The following SASH1 variants were observed in gnomAD, a reference collection of about 807,000 sequenced individuals.
The protein encoded by SASH1 is SAM and SH3 domain-containing protein 1.
A neutral mutation model predicts 125.2 loss-of-function variants in SASH1; 44 were observed. That is an observed-to-expected ratio of 0.35 (90% CI 0.28 to 0.45). The LOEUF (loss-of-function observed/expected upper bound fraction) is 0.45. SASH1 is among the 20% of genes least tolerant of loss of function. The pLI is 1.00. For synonymous variants in SASH1, 639 were observed against 649.1 expected (o/e 0.98, Z 0.24); for missense variants, 1,426 against 1,614.5 (o/e 0.88, Z 2.00).
Position 148,519,909 on chromosome 6 carries a change from G to T in SASH1, c.1209+16G>T. ...AAGCCACGGGGTAAGTACGGATGGT[G>T]TTTGCTTCTATGACAACCACCGTCG... On this transcript the variant is annotated intron_variant, in intron 10 of 19. Transcript: ENST00000367467. This position sits in a 1 kb window ranked among gnomAD's most constrained non-coding sequence, Gnocchi z 4.8. 1 of 1,521,274 alleles carries T rather than the reference G, an allele frequency of 6.6e-7. No individual in the cohort carries two copies. Among genetic ancestry groups the T allele is most frequent in the Non-Finnish European group, 8.8e-7 (1 of 1,133,004 alleles). The allele number at this position is 1,521,274 out of a possible 1,614,324, so 94.2% of individuals were successfully genotyped here.
the SASH1 span, among the ~76,000 whole-genome samples, chr6:148,251,644 A>G: frequency 6.6e-6 from 1 of 152,140 alleles, no homozygotes; most frequent in Admixed American, 6.5e-5. Flanking sequence ...AATCATTACA[A>G]TGAGATGAGG....
At chr6:148,320,257 G>A (rs537453748) in intron 1 of SASH1, among the ~76,000 whole-genome samples, 1 of 152,310 alleles carries the variant, frequency 6.6e-6, no homozygotes, top group South Asian at 2.1e-4. Flanking sequence ...TCAGATCGCA[G>A]AGCCTGTGGA....
chr6:148,519,401 T>C lies in SASH1; in HGVS notation c.863-146T>C. 4 of 622,102 alleles carry C rather than the reference T, an allele frequency of 6.4e-6. No individual in the cohort carries two copies. In the South Asian group the frequency reaches 8.3e-5, roughly 13 times the overall value. The allele number at this position is 622,102 out of a possible 1,614,324, so 38.5% of individuals were successfully genotyped here. On this transcript the variant is annotated intron_variant, in intron 9 of 19. Coordinates refer to ENST00000367467, the MANE Select transcript of SASH1 (RefSeq NM_015278.5). The surrounding 1 kb of genome is among the most constrained non-coding windows in gnomAD (Gnocchi z 4.8). ...CATGTGAAACCATGTATTTGCACAG[T>C]GTATTTTCATTTTTCTGTACATATG...
intron 4 of SASH1, among the ~76,000 whole-genome samples, chr6:148,466,463 G>A (rs112578098): frequency 6.6e-6 from 1 of 152,128 alleles, no homozygotes; most frequent in African/African-American, 2.4e-5. Context: ...TGCTCTGCGT[G>A]AAAAAGCCTC....
chr6:148,319,602 C>T (rs915175211), intron 1 of SASH1, among the ~76,000 whole-genome samples: 1 of 151,906 alleles, frequency 6.6e-6, no homozygotes, highest in Non-Finnish European at 1.5e-5. Flanking sequence ...CCACAACCTC[C>T]CCTCCCGGGT....
intron 7 of SASH1, among the ~76,000 whole-genome samples, chr6:148,484,388 T>C (rs1475372964): frequency 6.6e-6 from 1 of 152,186 alleles, no homozygotes; most frequent in Non-Finnish European, 1.5e-5. Flanking sequence ...CTGGAATTAA[T>C]GTAAAACACT....
chr6:148,315,553 T>G (rs1780459339), intron 1 of SASH1, among the ~76,000 whole-genome samples: 1 of 152,186 alleles, frequency 6.6e-6, no homozygotes. Flanking sequence ...ATTCAAACTT[T>G]CTTAAATTTA....
intron 2 of SASH1, among the ~76,000 whole-genome samples, chr6:148,429,370 C>G (rs1330831625): frequency 9.4e-6 from 1 of 106,580 alleles, no homozygotes; most frequent in African/African-American, 3.9e-5. Context: ...GGTGACAGAG[C>G]AAGACCCTGT....
chr6:148,298,770 A>AGAAAGAG (rs1562312325), intron 1 of SASH1, among the ~76,000 whole-genome samples: 2 of 93,152 alleles, frequency 2.1e-5, no homozygotes, highest in African/African-American at 4.7e-5. Flanking sequence ...GAGAGAAAGA[A>AGAAAGAG]AAAAGAAAGA....
intron 2 of SASH1, among the ~76,000 whole-genome samples, chr6:148,433,711 GTAGCTTTT>G (rs1245538833): frequency 6.6e-6 from 1 of 151,894 alleles, no homozygotes; most frequent in African/African-American, 2.4e-5. Context: ...CATTTCTTAG[GTAGCTTTT>G]TAGCTTAATT....
intron 16 of SASH1, among the ~76,000 whole-genome samples, chr6:148,538,144 G>C (rs1023223542): frequency 2.0e-5 from 3 of 152,108 alleles, no homozygotes; most frequent in Non-Finnish European, 2.9e-5. Context: ...TGGTTTTCAG[G>C]TGACACAATG....
the SASH1 span, among the ~76,000 whole-genome samples, chr6:148,224,603 C>T: frequency 3.6e-4 from 55 of 152,162 alleles, no homozygotes; most frequent in African/African-American, 1.2e-3. Context: ...TCAAGTGATC[C>T]GTTCTCCTGG....
At chr6:148,287,467 A>G (rs1349284250) in intron 1 of SASH1, among the ~76,000 whole-genome samples, 1 of 152,220 alleles carries the variant, frequency 6.6e-6, no homozygotes, top group South Asian at 2.1e-4. Context: ...CCCTGCCACC[A>G]TGGCCACAGT....
At chr6:148,502,396 G>A (rs1274041281) in intron 8 of SASH1, among the ~76,000 whole-genome samples, 2 of 152,110 alleles carry the variant, frequency 1.3e-5, no homozygotes, top group Non-Finnish European at 2.9e-5. Context: ...ATTTTCTACT[G>A]TTACTTCTAG....
intron 2 of SASH1, among the ~76,000 whole-genome samples, chr6:148,433,406 CTT>C (rs5880780): frequency 0.26 from 33,138 of 127,466 alleles, 2,969 homozygotes; most frequent in East Asian, 0.36. Flanking sequence ...TTTCTTTTTT[CTT>C]TTTTTTTTTT....
intron 2 of SASH1, among the ~76,000 whole-genome samples, chr6:148,425,145 C>T (rs1464934430): frequency 6.6e-6 from 1 of 152,148 alleles, no homozygotes; most frequent in Non-Finnish European, 1.5e-5. Context: ...GTCCAAGGTG[C>T]AGTGGTCAGA....
chr6:148,310,801 T>C (rs1356412442), intron 1 of SASH1, among the ~76,000 whole-genome samples: 2 of 152,184 alleles, frequency 1.3e-5, no homozygotes, highest in East Asian at 3.9e-4. Flanking sequence ...AAATAACTAT[T>C]AGAATGACTT....
intron 1 of SASH1, among the ~76,000 whole-genome samples, chr6:148,377,094 C>T (rs1323960123): frequency 1.8e-4 from 26 of 141,452 alleles, no homozygotes; most frequent in African/African-American, 4.7e-4. Context: ...GGCGTGAACC[C>T]GGGAGGCGGA....
chr6:148,309,325 T>A (rs900774110), intron 1 of SASH1, among the ~76,000 whole-genome samples: 3 of 152,204 alleles, frequency 2.0e-5, no homozygotes, highest in African/African-American at 7.2e-5. Context: ...CTTTGCCCTC[T>A]GTGGGTTACA....
Sources: allele counts gnomAD v4.1 joint callset (sites outside exome capture counted in the v4.1 genomes callset), GRCh38; gene constraint gnomAD v4.1.1; non-coding constraint Gnocchi (gnomAD v3.1); transcripts MANE v1.5; gene names NCBI Gene and HGNC (gene_info 2026-07-23, HGNC 2026-07-21).